Variants in LOC122539214 observed in about 807,000 individuals in gnomAD.
chr19:52,666,806 G>A, the LOC122539214 span, among the ~76,000 whole-genome samples: 9 of 152,310 alleles, frequency 5.9e-5, no homozygotes, highest in African/African-American at 2.2e-4. Context: ...CCAGGCCTAG[G>A]AGGAACTCCC....
chr19:52,655,470 T>A, the LOC122539214 span: 1 of 1,200,598 alleles, frequency 8.3e-7, no homozygotes, highest in Non-Finnish European at 1.2e-6. Context: ...AAAGCATGTA[T>A]GCGGCAAAAT....
chr19:52,652,538 T>G, the LOC122539214 span: 1 of 450,890 alleles, frequency 2.2e-6, no homozygotes, highest in African/African-American at 2.0e-5. Flanking sequence ...CTGAAGACCT[T>G]GCTGCAATCA....
chr19:52,653,349 T>A, the LOC122539214 span: 1 of 1,214,646 alleles, frequency 8.2e-7, no homozygotes, highest in South Asian at 1.2e-5. Context: ...TCTGATGTTG[T>A]GCAAGGTATG....
chr19:52,670,401 C>T, the LOC122539214 span, among the ~76,000 whole-genome samples: 1 of 152,168 alleles, frequency 6.6e-6, no homozygotes, highest in Non-Finnish European at 1.5e-5. Flanking sequence ...CAGAAATAAC[C>T]CCTTCCCCTC....
the LOC122539214 span, among the ~76,000 whole-genome samples, chr19:52,677,074 T>C: frequency 6.9e-6 from 1 of 144,784 alleles, no homozygotes; most frequent in Non-Finnish European, 1.5e-5. Context: ...ACTGTTGTCC[T>C]ATGACCCTGC....
At chr19:52,657,265 C>T in the LOC122539214 span, among the ~76,000 whole-genome samples, 1 of 152,130 alleles carries the variant, frequency 6.6e-6, no homozygotes, top group African/African-American at 2.4e-5. Context: ...AATACAGTAA[C>T]TAAATGGAAA....
At chr19:52,660,432 A>T in the LOC122539214 span, among the ~76,000 whole-genome samples, 1 of 152,108 alleles carries the variant, frequency 6.6e-6, no homozygotes, top group Non-Finnish European at 1.5e-5. Flanking sequence ...CAGCCTGGCC[A>T]ACATGGTGAA....
the LOC122539214 span, among the ~76,000 whole-genome samples, chr19:52,676,214 C>A: frequency 6.6e-6 from 1 of 152,190 alleles, no homozygotes; most frequent in Non-Finnish European, 1.5e-5. Flanking sequence ...AGCTCCTAAC[C>A]GTGAGTGATC....
chr19:52,679,844 T>C, the LOC122539214 span, among the ~76,000 whole-genome samples: 1 of 152,024 alleles, frequency 6.6e-6, no homozygotes, highest in Non-Finnish European at 1.5e-5. Context: ...CCATGACTGA[T>C]AGGAGGGTCA....
chr19:52,677,927 C>T, the LOC122539214 span, among the ~76,000 whole-genome samples: 609 of 151,748 alleles, frequency 4.0e-3, 4 homozygotes, highest in African/African-American at 0.014. Flanking sequence ...CCCAGCTGCT[C>T]GGGAGGCTGA....
At chr19:52,651,112 T>C in the LOC122539214 span, 1 of 152,240 alleles carries the variant, frequency 6.6e-6, no homozygotes, top group Admixed American at 6.5e-5. Flanking sequence ...TTGGTGATAC[T>C]GACTTGTAGA....
chr19:52,684,459 G>A, the LOC122539214 span, among the ~76,000 whole-genome samples: 1 of 148,892 alleles, frequency 6.7e-6, no homozygotes, highest in African/African-American at 2.5e-5. Flanking sequence ...TGAGGCACAA[G>A]AATCACTTGA....
chr19:52,667,081 TACA>T, the LOC122539214 span, among the ~76,000 whole-genome samples: 16 of 152,182 alleles, frequency 1.1e-4, no homozygotes, highest in Non-Finnish European at 1.9e-4. Flanking sequence ...ATCCCAAACT[TACA>T]ACGTTTTCAA....
At chr19:52,670,537 G>A in the LOC122539214 span, among the ~76,000 whole-genome samples, 3 of 152,206 alleles carry the variant, frequency 2.0e-5, no homozygotes, top group South Asian at 2.1e-4. Flanking sequence ...TTGCAGCACC[G>A]AAACTTTATT....
At chr19:52,684,474 A>G in the LOC122539214 span, among the ~76,000 whole-genome samples, 12,374 of 150,956 alleles carry the variant, frequency 0.082, 655 homozygotes, top group South Asian at 0.18. Context: ...ACTTGAAGCT[A>G]GGAGACAGAG....
the LOC122539214 span, among the ~76,000 whole-genome samples, chr19:52,676,423 C>G: frequency 1.3e-5 from 2 of 152,070 alleles, no homozygotes; most frequent in African/African-American, 4.8e-5. Flanking sequence ...AAGTGAGGAG[C>G]GTCTCTGCCT....
chr19:52,654,664 C>G, the LOC122539214 span, among the ~76,000 whole-genome samples: 5 of 152,138 alleles, frequency 3.3e-5, no homozygotes, highest in East Asian at 9.6e-4. Flanking sequence ...TTGCAGTGAA[C>G]AGAGATCACA....
At chr19:52,686,378 C>T in the LOC122539214 span, among the ~76,000 whole-genome samples, 3 of 151,304 alleles carry the variant, frequency 2.0e-5, no homozygotes, top group East Asian at 1.9e-4. Flanking sequence ...GCCACAAAGC[C>T]ATCTTTCAGA....
chr19:52,687,574 A>C, the LOC122539214 span, among the ~76,000 whole-genome samples: 1 of 36,200 alleles, frequency 2.8e-5, no homozygotes, highest in African/African-American at 1.8e-4. Context: ...TATATATATA[A>C]ATTTTATATA....
Sources: gnomAD v4.1 joint callset for allele counts (sites outside exome capture counted in the v4.1 genomes callset) on GRCh38, gnomAD v4.1.1 for gene constraint, MANE v1.5 for transcripts.